The following TSPAN11 variants were observed in gnomAD, a reference collection of about 807,000 sequenced individuals.
TSPAN11 encodes tetraspanin 11.
In TSPAN11, 29 loss-of-function variants were observed where a neutral mutation model predicts 32.9. That is an observed-to-expected ratio of 0.88 (90% CI 0.66 to 1.20). TSPAN11 has a LOEUF of 1.20. Among genes scored for constraint, TSPAN11 ranks in the 50% most tolerant of loss-of-function variants. The pLI is 0.00. For missense variants in TSPAN11, 283 were observed against 329.1 expected, an observed-to-expected ratio of 0.86 and a Z score of 1.08; for synonymous variants, 140 against 141.3, an observed-to-expected ratio of 0.99 and a Z score of 0.07.
At chr12:30,953,348 T>C (rs1365539248) in intron 1 of TSPAN11, among the ~76,000 whole-genome samples, 3 of 152,200 alleles carry the variant, frequency 2.0e-5, no homozygotes, top group Non-Finnish European at 4.4e-5. Context: ...TTGCCCAAAG[T>C]ATCACACATC....
chr12:30,978,894 C>T (rs1225224629), intron 4 of TSPAN11: 2 of 501,040 alleles, frequency 4.0e-6, no homozygotes, highest in East Asian at 6.2e-5. Flanking sequence ...TGCGTCATCC[C>T]TCTCCCCTTC....
intron 1 of TSPAN11, among the ~76,000 whole-genome samples, chr12:30,947,755 C>G (rs1938298794): frequency 6.6e-6 from 1 of 152,122 alleles, no homozygotes; most frequent in Non-Finnish European, 1.5e-5. Flanking sequence ...ACAGCCAAAC[C>G]TTATCATTCT....
At chr12:30,968,229 G>A (rs897489742) in intron 3 of TSPAN11, among the ~76,000 whole-genome samples, 1 of 152,242 alleles carries the variant, frequency 6.6e-6, no homozygotes, top group African/African-American at 2.4e-5. Flanking sequence ...AAAGATGAAA[G>A]ACCAGGCATC....
chr12:30,942,269 T>G (rs1163397222), intron 1 of TSPAN11, among the ~76,000 whole-genome samples: 1 of 152,204 alleles, frequency 6.6e-6, no homozygotes, highest in African/African-American at 2.4e-5. Flanking sequence ...CTCCATCCCA[T>G]TTGGTCCTCA....
chr12:31,008,507 G>C, the TSPAN11 span, among the ~76,000 whole-genome samples: 52 of 152,302 alleles, frequency 3.4e-4, 1 homozygote, highest in Admixed American at 3.1e-3. Context: ...GGAGCTGGTA[G>C]TGGAGAGAGG....
chr12:31,003,324 T>C, the TSPAN11 span, among the ~76,000 whole-genome samples: 2 of 152,206 alleles, frequency 1.3e-5, no homozygotes, highest in African/African-American at 2.4e-5. Flanking sequence ...ATCTACTCTA[T>C]GCATGGAGAC....
intron 3 of TSPAN11, 128 bp downstream of exon 3, chr12:30,964,145 G>GTGGC (rs1938679334): frequency 3.3e-6 from 4 of 1,203,292 alleles, no homozygotes. Flanking sequence ...CCGAGAAGGG[G>GTGGC]TGGCTGCTCC....
At chr12:30,983,005 C>T in intron 6 of TSPAN11, 59 bp from the exon 7 acceptor site, 1 of 1,551,126 alleles carries the variant, frequency 6.4e-7, no homozygotes. Context: ...AGCCCGCCCT[C>T]CGTCCCCACC....
intron 1 of TSPAN11, among the ~76,000 whole-genome samples, chr12:30,935,127 G>T (rs988161533): frequency 6.6e-6 from 1 of 152,088 alleles, no homozygotes; most frequent in African/African-American, 2.4e-5. Context: ...GCCAAGCACC[G>T]GTCTTCCCTG....
chr12:30,963,590 G>T (rs1286542860), intron 2 of TSPAN11, among the ~76,000 whole-genome samples: 2 of 152,244 alleles, frequency 1.3e-5, no homozygotes, highest in East Asian at 3.8e-4. Flanking sequence ...CGAATTCACA[G>T]TCGGACCTGG....
At chr12:31,001,728 A>T in the TSPAN11 span, among the ~76,000 whole-genome samples, 1 of 152,128 alleles carries the variant, frequency 6.6e-6, no homozygotes, top group African/African-American at 2.4e-5. Context: ...CACAACAGTG[A>T]GGGGGCTCCC....
intron 1 of TSPAN11, among the ~76,000 whole-genome samples, chr12:30,952,429 C>T (rs754438058): frequency 2.0e-5 from 3 of 152,192 alleles, no homozygotes; most frequent in Admixed American, 1.3e-4. Context: ...CACCCTACCT[C>T]GAAAACTGAA....
At chr12:30,964,980 C>T (rs975215260) in intron 3 of TSPAN11, among the ~76,000 whole-genome samples, 1 of 152,232 alleles carries the variant, frequency 6.6e-6, no homozygotes, top group Non-Finnish European at 1.5e-5. Context: ...CACCCACCCC[C>T]ACATGGGGCC....
the TSPAN11 span, among the ~76,000 whole-genome samples, chr12:31,001,967 G>A: frequency 1.3e-5 from 2 of 152,180 alleles, no homozygotes; most frequent in Non-Finnish European, 2.9e-5. Context: ...CACAGACCTG[G>A]TGGCAGGAGC....
the TSPAN11 span, among the ~76,000 whole-genome samples, chr12:31,001,870 G>T: frequency 6.6e-6 from 1 of 152,132 alleles, no homozygotes; most frequent in Non-Finnish European, 1.5e-5. Context: ...TGTCTTCCAC[G>T]GCTCCGCTTG....
chr12:30,927,123 AGC>A, intron 1 of TSPAN11: 1 of 978,358 alleles, frequency 1.0e-6, no homozygotes, highest in Non-Finnish European at 1.4e-6. Flanking sequence ...CGTGCCGTCC[AGC>A]GTGCCCGGGG....
At chr12:30,931,994 T>C (rs796166747) in intron 1 of TSPAN11, among the ~76,000 whole-genome samples, 2 of 150,288 alleles carry the variant, frequency 1.3e-5, no homozygotes, top group African/African-American at 4.9e-5. Flanking sequence ...AGGAATTCAA[T>C]AAATGTTCAT....
At chr12:30,949,488 C>T (rs1030197097) in intron 1 of TSPAN11, among the ~76,000 whole-genome samples, 3 of 152,008 alleles carry the variant, frequency 2.0e-5, no homozygotes, top group East Asian at 3.9e-4. Flanking sequence ...ATGCAAAAGC[C>T]GAAACTCATG....
rs1471769616 is a variant in TSPAN11, at chr12:30,975,395, C to A, written c.277-3166C>A. Among the ~76,000 whole-genome samples the A allele has an allele frequency of 1.3e-5, 2 of 152,114 alleles. No individual in the cohort carries two copies. Among genetic ancestry groups the A allele is most frequent in the Non-Finnish European group, 2.9e-5 (2 of 68,010 alleles). ...AGCCAGCACCTGTGCCCACCAGCAC[C>A]CGGCCTCAGTCCCCTTGAAGCCCCA... On this transcript the variant is annotated intron_variant, in intron 3 of 7. Coordinates refer to ENST00000546076, the MANE Select transcript of TSPAN11 (RefSeq NM_001370302.1). This position sits in a 1 kb window ranked among gnomAD's most constrained non-coding sequence, Gnocchi z 4.5.
Sources: gnomAD v4.1 joint callset for allele counts (sites outside exome capture counted in the v4.1 genomes callset) on GRCh38, gnomAD v4.1.1 for gene constraint, Gnocchi (gnomAD v3.1) non-coding constraint, MANE v1.5 for transcripts, NCBI Gene and HGNC (gene_info 2026-07-23, HGNC 2026-07-21) for gene names.